The following ELOVL7 variants were observed in gnomAD, a reference collection of about 807,000 sequenced individuals.
ELOVL7 encodes ELOVL fatty acid elongase 7.
ELOVL7 carries 27 observed loss-of-function variants against 35.7 expected under a neutral mutation model. The ratio of observed to expected loss-of-function variants is 0.76; its 90% CI spans 0.56 to 1.04. ELOVL7 has a LOEUF of 1.04. Ranked by LOEUF, ELOVL7 falls within the 50% of genes least tolerant of loss-of-function variation. ELOVL7 has a pLI of 0.00. For synonymous variants in ELOVL7, 113 were observed against 114.6 expected, an observed-to-expected ratio of 0.99 and a Z score of 0.09; for missense variants, 327 against 340.8, an observed-to-expected ratio of 0.96 and a Z score of 0.32.
chr5:60,772,639 A>G (rs1742667906), intron 3 of ELOVL7, among the ~76,000 whole-genome samples: 2 of 151,864 alleles, frequency 1.3e-5, no homozygotes, highest in African/African-American at 4.8e-5. Flanking sequence ...AGATACCCCA[A>G]CTCCACTCTC....
chr5:60,793,073 G>T (rs921642032), intron 2 of ELOVL7, among the ~76,000 whole-genome samples: 2 of 152,144 alleles, frequency 1.3e-5, no homozygotes, highest in Non-Finnish European at 2.9e-5. Context: ...ATTATGAGAA[G>T]ACTGAAGAGA....
At chr5:60,766,726 C>A in intron 5 of ELOVL7, 96 bp from the exon 6 acceptor site, 2 of 1,002,820 alleles carry the variant, frequency 2.0e-6, no homozygotes, top group South Asian at 1.6e-5. Flanking sequence ...TAAAATCTGT[C>A]ATGTCAACCA....
At chr5:60,808,533 T>C (rs540224602) in intron 1 of ELOVL7, among the ~76,000 whole-genome samples, 302 of 152,310 alleles carry the variant, frequency 2.0e-3, no homozygotes, top group African/African-American at 7.0e-3. Flanking sequence ...CTTAATATTG[T>C]TAAGATATCA....
intron 2 of ELOVL7, among the ~76,000 whole-genome samples, chr5:60,798,133 C>A (rs1356721103): frequency 2.6e-5 from 4 of 152,146 alleles, no homozygotes; most frequent in Admixed American, 2.0e-4. Context: ...TGTGCCCCGA[C>A]CACCTTGGGC....
At chr5:60,789,207 A>C (rs1025583772) in intron 2 of ELOVL7, among the ~76,000 whole-genome samples, 1 of 152,226 alleles carries the variant, frequency 6.6e-6, no homozygotes, top group South Asian at 2.1e-4. Flanking sequence ...AATGTCAAAC[A>C]GTAAAAAATA....
Position 60,841,778 on chromosome 5 carries a change from T to C in ELOVL7, c.-86+2382A>G, listed in dbSNP as rs116754727. 8.6e-3 allele frequency among the ~76,000 whole-genome samples: 1,309 copies of C among 152,348 alleles called. 11 individuals are homozygous for C. Among genetic ancestry groups the C allele is most frequent in the African/African-American group, 0.026 (1,090 of 41,582 alleles). On this transcript the variant is annotated intron_variant, in intron 1 of 8. Coordinates refer to ENST00000508821, the MANE Select transcript of ELOVL7 (RefSeq NM_024930.3). ...ACTTTATGTGTTTTCATATTTTGTT[T>C]TGTCAAGATAAGGATAAATGGTTTT... is the stretch of plus-strand genomic sequence containing the variant.
Position 60,810,178 on chromosome 5 carries a change from G to A in ELOVL7, c.-85-10948C>T, listed in dbSNP as rs1400856808. Among the ~76,000 whole-genome samples the A allele has an allele frequency of 2.0e-5, 3 of 152,286 alleles. No individual in the cohort carries two copies. In the East Asian group the frequency reaches 5.8e-4, roughly 29 times the overall value. ...GAATGTTTTAGGTACTTAAGAAAAT[G>A]GAGCATTTCTTATAGTATGAAGGAA... On this transcript the variant is annotated intron_variant, in intron 1 of 8. Transcript: ENST00000508821.
chr5:60,815,465 C>A (rs1379134307), intron 1 of ELOVL7, among the ~76,000 whole-genome samples: 1 of 148,426 alleles, frequency 6.7e-6, no homozygotes, highest in Non-Finnish European at 1.5e-5. Context: ...AGTTATCTAC[C>A]TTTGCTTAAC....
At chr5:60,785,068 C>T (rs374757372) in intron 3 of ELOVL7, among the ~76,000 whole-genome samples, 59 of 152,232 alleles carry the variant, frequency 3.9e-4, no homozygotes, top group African/African-American at 1.2e-3. Context: ...CAATAAATAA[C>T]GTGTTCAAGA....
intron 7 of ELOVL7, among the ~76,000 whole-genome samples, chr5:60,761,387 G>C (rs1160036217): frequency 1.3e-5 from 2 of 152,086 alleles, no homozygotes; most frequent in East Asian, 1.9e-4. Context: ...ATACTAGATA[G>C]AGATCAGCTG....
intron 8 of ELOVL7, 107 bp from the exon 9 acceptor site, chr5:60,754,940 C>A (rs1038555233): frequency 2.4e-6 from 2 of 841,176 alleles, no homozygotes; most frequent in South Asian, 1.8e-5. Context: ...CACTATTGGG[C>A]AAAGAAGTCC....
At chr5:60,757,413 G>A (rs907171882) in intron 8 of ELOVL7, 96 bp downstream of exon 8, 47 of 1,291,946 alleles carry the variant, frequency 3.6e-5, no homozygotes, top group South Asian at 1.5e-4. Context: ...CTATTGTTTT[G>A]TCTTTCTTCT....
chr5:60,758,646 G>C lies in ELOVL7; in HGVS notation c.500-1001C>G, dbSNP rs1741693918. Among the ~76,000 whole-genome samples the C allele has an allele frequency of 1.3e-5, 2 of 152,130 alleles. 1 individual carries two copies. The highest frequency in any genetic ancestry group is 1.3e-4 in the Admixed American group (2 of 15,274). On this transcript the variant is annotated intron_variant, in intron 7 of 8. Coordinates refer to ENST00000508821, the MANE Select transcript of ELOVL7 (RefSeq NM_024930.3). ...TTGAGAATAGAAGCAAAGAACACGT[G>C]GGAATGTAAGAAAAAATCATTTCAA...
intron 2 of ELOVL7, among the ~76,000 whole-genome samples, chr5:60,790,726 T>C (rs997861064): frequency 4.6e-5 from 7 of 152,204 alleles, no homozygotes; most frequent in Admixed American, 4.6e-4. Context: ...ACCTTAGTTT[T>C]TCAATCCCAC....
intron 1 of ELOVL7, among the ~76,000 whole-genome samples, chr5:60,819,748 C>T (rs746959918): frequency 2.6e-5 from 4 of 151,922 alleles, no homozygotes; most frequent in Admixed American, 1.3e-4. Context: ...ATCGAGCCAC[C>T]GCACTCCAGC....
At chr5:60,825,024 C>T (rs771811997) in intron 1 of ELOVL7, among the ~76,000 whole-genome samples, 6 of 151,322 alleles carry the variant, frequency 4.0e-5, no homozygotes, top group South Asian at 2.1e-4. Context: ...GGTGCGATCT[C>T]GGCTCATTGC....
chr5:60,768,813 T>G (rs1742405108), intron 4 of ELOVL7: 7 of 378,474 alleles, frequency 1.8e-5, no homozygotes, highest in South Asian at 1.4e-4. Flanking sequence ...CCCTGGGAGA[T>G]CTTCTCTCTC....
intron 1 of ELOVL7, among the ~76,000 whole-genome samples, chr5:60,837,315 T>TGGGGGGGGGGGGGGGGGGGGGG (rs1227317155): frequency 1.6e-4 from 4 of 24,510 alleles, no homozygotes; most frequent in African/African-American, 1.7e-4. Context: ...GGCGGGGGGG[T>TGGGGGGGGGGGGGGGGGGGGGG]GGGGGGGGAG....
At position 60,757,633 on chromosome 5, in the gene ELOVL7, G is replaced by A; in HGVS notation, c.512C>T (p.Thr171Ile). Residue 171 changes from threonine to isoleucine, a missense_variant, in exon 8 of 9, where the codon ACA (threonine) becomes ATA (isoleucine). Coordinates refer to ENST00000508821, the MANE Select transcript of ELOVL7 (RefSeq NM_024930.3). ...AGCTGTATTTAGAAGGGCATGGAAT[G>A]TTCCCAAACCACCTGGAAAATAAAA... Reference protein sequence around the residue: ...GVKFAAGGLGTFHALLNTAVH... With the variant: ...GVKFAAGGLGIFHALLNTAVH... The A allele has an allele frequency of 6.4e-7, 1 of 1,568,460 alleles. No individual in the cohort carries two copies. The highest frequency in any genetic ancestry group is 2.3e-5 in the East Asian group (1 of 44,360).
Sources: allele counts gnomAD v4.1 joint callset (sites outside exome capture counted in the v4.1 genomes callset), GRCh38; gene constraint gnomAD v4.1.1; transcripts MANE v1.5; gene names NCBI Gene and HGNC (gene_info 2026-07-23, HGNC 2026-07-21).